ATRNL1: variants seen among roughly 807,000 people sequenced by gnomAD.
The protein encoded by ATRNL1 is attractin-like protein 1.
A neutral mutation model predicts 182.7 loss-of-function variants in ATRNL1; 95 were observed. The ratio of observed to expected loss-of-function variants is 0.52; its 90% confidence interval spans 0.44 to 0.62. ATRNL1 has a LOEUF of 0.62. Ranked by LOEUF, ATRNL1 falls within the 20% of genes least tolerant of loss-of-function variation. ATRNL1 has a pLI of 0.00. For synonymous variants in ATRNL1, 576 were observed against 568.3 expected (o/e 1.01, Z -0.19); for missense variants, 1,471 against 1,679.5 (o/e 0.88, Z 2.17).
At chr10:115,578,680 A>T (rs1366000359) in intron 26 of ATRNL1, among the ~76,000 whole-genome samples, 1 of 151,368 alleles carries the variant, frequency 6.6e-6, no homozygotes, top group Admixed American at 6.6e-5. Context: ...ATTTTCAAAA[A>T]AATTTTAGTT....
chr10:115,265,765 A>G (rs868933831), intron 11 of ATRNL1, among the ~76,000 whole-genome samples: 2 of 151,920 alleles, frequency 1.3e-5, no homozygotes, highest in Middle Eastern at 3.4e-3. Context: ...ATTGGACTCA[A>G]TGGTCATTAC....
intron 13 of ATRNL1, among the ~76,000 whole-genome samples, chr10:115,273,032 T>C (rs1554913749): frequency 1.3e-5 from 2 of 152,186 alleles, no homozygotes; most frequent in African/African-American, 2.4e-5. Context: ...TGCTTCCCTT[T>C]CCCTGATTGA....
At chr10:115,342,181 G>A (rs10787566) in intron 19 of ATRNL1, among the ~76,000 whole-genome samples, 148,145 of 152,108 alleles carry the variant, frequency 0.97, 72,257 homozygotes, top group East Asian at 1. Flanking sequence ...TGAGGTTACC[G>A]CGAGACTTGT....
chr10:115,226,742 T>C (rs1335090131), intron 9 of ATRNL1, among the ~76,000 whole-genome samples: 2 of 151,832 alleles, frequency 1.3e-5, no homozygotes, highest in African/African-American at 4.8e-5. Flanking sequence ...TGTAAACCAA[T>C]TGAACTAAAT....
intron 26 of ATRNL1, among the ~76,000 whole-genome samples, chr10:115,586,586 C>T (rs1316666164): frequency 9.4e-6 from 1 of 105,950 alleles, no homozygotes; most frequent in African/African-American, 2.8e-5. Context: ...AGTTCTCGAG[C>T]CTTGGTTTTC....
chr10:115,769,939 T>A (rs1036478025), intron 27 of ATRNL1, among the ~76,000 whole-genome samples: 1 of 152,170 alleles, frequency 6.6e-6, no homozygotes, highest in Admixed American at 6.5e-5. Context: ...GTCAAACAAC[T>A]ATTACCCCAG....
intron 9 of ATRNL1, among the ~76,000 whole-genome samples, chr10:115,226,185 C>T (rs1486394575): frequency 6.6e-6 from 1 of 151,838 alleles, no homozygotes; most frequent in Non-Finnish European, 1.5e-5. Flanking sequence ...ATAAATTGTT[C>T]TGGGCCAATT....
Position 115,095,737 on chromosome 10 carries a change from CAGT to C in ATRNL1, c.293+1697_293+1699del, listed in dbSNP as rs534327532. 3.9e-5 allele frequency among the ~76,000 whole-genome samples: 6 copies of C among 152,028 alleles called. No homozygotes were observed. The South Asian group carries it at 1.2e-3, about 32-fold the overall frequency. Reference sequence around the variant, plus strand: ...TTGTGTTCTTAAACGTTTGCTATGACAGTAGAATTCAGCGTCTTTACCTAGCAA... The same window carrying C: ...TTGTGTTCTTAAACGTTTGCTATGACAGAATTCAGCGTCTTTACCTAGCAA... On this transcript the variant is annotated intron_variant, in intron 1 of 28. Transcript: ENST00000355044.
intron 5 of ATRNL1, among the ~76,000 whole-genome samples, chr10:115,140,106 G>C (rs180755158): frequency 1.3e-5 from 2 of 152,184 alleles, no homozygotes; most frequent in Non-Finnish European, 2.9e-5. Flanking sequence ...AGAAAGAATT[G>C]TAAATTGCCT....
intron 25 of ATRNL1, among the ~76,000 whole-genome samples, chr10:115,532,886 CT>C (rs1851683091): frequency 6.6e-6 from 1 of 151,886 alleles, no homozygotes; most frequent in Non-Finnish European, 1.5e-5. Flanking sequence ...TGGTTTTTGT[CT>C]TTGGTTCTGT....
chr10:115,532,420 G>A (rs1466016300), intron 25 of ATRNL1, among the ~76,000 whole-genome samples: 3 of 151,882 alleles, frequency 2.0e-5, no homozygotes, highest in Non-Finnish European at 4.4e-5. Flanking sequence ...TCATGATTTG[G>A]CTCTCTATCT....
intron 26 of ATRNL1, among the ~76,000 whole-genome samples, chr10:115,613,774 A>G (rs1555019831): frequency 6.6e-6 from 1 of 151,836 alleles, no homozygotes; most frequent in African/African-American, 2.4e-5. Flanking sequence ...CCCAGAATTT[A>G]TTCATTTTCT....
chr10:115,431,700 C>G (rs1846174930), intron 21 of ATRNL1, among the ~76,000 whole-genome samples: 1 of 151,956 alleles, frequency 6.6e-6, no homozygotes, highest in African/African-American at 2.4e-5. Context: ...TGTTTTAATC[C>G]GTGTGCAATT....
intron 24 of ATRNL1, among the ~76,000 whole-genome samples, chr10:115,508,245 G>C (rs1850213731): frequency 6.6e-6 from 1 of 152,024 alleles, no homozygotes; most frequent in Admixed American, 6.6e-5. Context: ...CTTAATTAAT[G>C]TGGTGTTTGT....
At chr10:115,344,423 A>T (rs1855888007) in intron 19 of ATRNL1, among the ~76,000 whole-genome samples, 1 of 152,112 alleles carries the variant, frequency 6.6e-6, no homozygotes, top group African/African-American at 2.4e-5. Flanking sequence ...ATCAAAGGCC[A>T]TGGGGAGTAC....
At chr10:115,553,452 T>G (rs1337080568) in intron 26 of ATRNL1, among the ~76,000 whole-genome samples, 1 of 151,410 alleles carries the variant, frequency 6.6e-6, no homozygotes, top group Non-Finnish European at 1.5e-5. Flanking sequence ...TGTAGAACTT[T>G]ACCACACTAC....
At chr10:115,923,547 T>C (rs1953130641) in intron 28 of ATRNL1, among the ~76,000 whole-genome samples, 1 of 152,186 alleles carries the variant, frequency 6.6e-6, no homozygotes, top group African/African-American at 2.4e-5. Context: ...CTGAGGATGA[T>C]GGCTTCCACC....
chr10:115,603,588 A>G (rs1180339327), intron 26 of ATRNL1, among the ~76,000 whole-genome samples: 16 of 152,226 alleles, frequency 1.1e-4, no homozygotes, highest in Admixed American at 9.8e-4. Flanking sequence ...ATTTCAATGT[A>G]TAAAACTTCT....
chr10:115,541,013 G>T (rs1341658679), intron 25 of ATRNL1, among the ~76,000 whole-genome samples: 4 of 152,080 alleles, frequency 2.6e-5, no homozygotes, highest in African/African-American at 9.7e-5. Context: ...CATAACATTA[G>T]AATATAGAAT....
Sources: gnomAD v4.1 joint callset for allele counts (sites outside exome capture counted in the v4.1 genomes callset) on GRCh38, gnomAD v4.1.1 for gene constraint, MANE v1.5 for transcripts, NCBI Gene and HGNC (gene_info 2026-07-23, HGNC 2026-07-21) for gene names.